VPS54: variants seen among roughly 807,000 people sequenced by gnomAD.
VPS54 encodes the protein vacuolar protein sorting-associated protein 54.
In VPS54, 45 loss-of-function variants were observed where a neutral mutation model predicts 121.5. That is an observed-to-expected ratio of 0.37 (90% CI 0.29 to 0.47). The LOEUF is 0.47. Among genes scored for constraint, VPS54 ranks in the 20% least tolerant of loss-of-function variants. VPS54 has a pLI of 0.99. For missense variants in VPS54, 1,090 were observed against 1,131.4 expected (o/e 0.96, Z 0.52); for synonymous variants, 371 against 385.8 (o/e 0.96, Z 0.45).
intron 1 of VPS54, among the ~76,000 whole-genome samples, chr2:64,004,395 C>T (rs1044194868): frequency 6.6e-6 from 1 of 152,128 alleles, no homozygotes; most frequent in Non-Finnish European, 1.5e-5. Context: ...TAAGTATTAC[C>T]TCACAGATTA....
intron 16 of VPS54, among the ~76,000 whole-genome samples, chr2:63,915,813 G>A (rs1673355492): frequency 6.6e-6 from 1 of 152,080 alleles, no homozygotes; most frequent in Non-Finnish European, 1.5e-5. Flanking sequence ...TACAGAAAAA[G>A]GATTAATTCT....
intron 20 of VPS54, 81 bp downstream of exon 20, chr2:63,912,264 C>T: frequency 8.3e-7 from 1 of 1,202,512 alleles, no homozygotes; most frequent in Admixed American, 2.7e-5. Flanking sequence ...CTTTTCACAT[C>T]TTAATTTATA....
chr2:64,011,181 T>C (rs555757676), intron 1 of VPS54, among the ~76,000 whole-genome samples: 1 of 152,346 alleles, frequency 6.6e-6, no homozygotes, highest in Non-Finnish European at 1.5e-5. Context: ...CCTCATAAAA[T>C]ATATACTTTT....
At chr2:64,017,262 G>A (rs1275962212) in intron 1 of VPS54, among the ~76,000 whole-genome samples, 3 of 151,318 alleles carry the variant, frequency 2.0e-5, no homozygotes, top group Admixed American at 1.3e-4. Flanking sequence ...ACTTGAAGCC[G>A]GTAGGCGGAG....
chr2:63,989,002 C>T (rs1472962324), intron 1 of VPS54, among the ~76,000 whole-genome samples: 2 of 152,042 alleles, frequency 1.3e-5, no homozygotes, highest in Non-Finnish European at 2.9e-5. Context: ...CATTCTCGGC[C>T]GGGAAGGGGG....
chr2:63,968,817 A>G, intron 5 of VPS54, 140 bp downstream of exon 5: 1 of 675,844 alleles, frequency 1.5e-6, no homozygotes, highest in Non-Finnish European at 2.6e-6. Context: ...AGAAAGAAGA[A>G]AAGTGATGCA....
Position 63,933,732 on chromosome 2 carries a change from A to T in VPS54, c.1680T>A (p.Asp560Glu), listed in dbSNP as rs761367382. 7.4e-6 allele frequency: 12 copies of T among 1,613,828 alleles called. No individual in the cohort carries two copies. The South Asian group carries it at 1.1e-4, about 15-fold the overall frequency. Reference protein sequence around the residue: ...DSVSEPECTTDSSSSKEHTSS... With the variant: ...DSVSEPECTTESSSSKEHTSS... ...ATGTGTGCTCTTTGCTGGATGAAGA[A>T]TCAGTAGTACATTCTGGCTCGGATA... is the stretch of plus-strand genomic sequence containing the variant. The change falls in exon 12 of 23, where the codon GAT (aspartate) becomes GAA (glutamate). Residue 560 changes from aspartate (D) to glutamate (E), a missense_variant. By Grantham distance (45) the Asp-to-Glu change is conservative. This residue lies in a region of VPS54 where 801 missense variants were observed against 757.0 expected (regional missense o/e 1.06). Coordinates refer to ENST00000272322, the MANE Select transcript of VPS54 (RefSeq NM_016516.3).
chr2:63,939,352 C>T (rs1575933738), intron 11 of VPS54, among the ~76,000 whole-genome samples: 1 of 151,526 alleles, frequency 6.6e-6, no homozygotes, highest in East Asian at 1.9e-4. Context: ...AGCCTGGCGA[C>T]AGAGTGAAAC....
intron 12 of VPS54, among the ~76,000 whole-genome samples, chr2:63,927,259 G>A (rs906892040): frequency 1.3e-5 from 2 of 152,164 alleles, no homozygotes; most frequent in African/African-American, 4.8e-5. Context: ...CCAGTAGGGG[G>A]CCGACAGACA....
intron 1 of VPS54, among the ~76,000 whole-genome samples, chr2:64,002,424 T>C (rs1677926415): frequency 6.6e-6 from 1 of 152,226 alleles, no homozygotes; most frequent in Non-Finnish European, 1.5e-5. Context: ...TCTTGCTCTG[T>C]ACCCCCAAAT....
chr2:63,993,610 GAATTT>G (rs1677434325), intron 1 of VPS54, among the ~76,000 whole-genome samples: 1 of 152,170 alleles, frequency 6.6e-6, no homozygotes, highest in African/African-American at 2.4e-5. Context: ...GATTTGATCC[GAATTT>G]AATTGTAGTT....
intron 11 of VPS54, among the ~76,000 whole-genome samples, chr2:63,940,299 AC>A (rs1481921101): frequency 6.6e-6 from 1 of 152,180 alleles, no homozygotes; most frequent in East Asian, 1.9e-4. Flanking sequence ...AGAATCACAA[AC>A]TTTTTTCACA....
intron 7 of VPS54, among the ~76,000 whole-genome samples, chr2:63,949,662 TGAG>T (rs71393343): frequency 0.27 from 40,962 of 151,878 alleles, 6,474 homozygotes; most frequent in Non-Finnish European, 0.34. Flanking sequence ...TTGAGTAGGC[TGAG>T]GAGGAGGAGG....
chr2:63,938,191 T>C (rs1173933872), intron 11 of VPS54, among the ~76,000 whole-genome samples: 1 of 151,928 alleles, frequency 6.6e-6, no homozygotes, highest in African/African-American at 2.4e-5. Context: ...GGTCTCAAAC[T>C]CTGGTCTCAA....
rs549342540 is a variant in VPS54 at position 63,897,004 on chromosome 2, A to G, written c.2828+492T>C. ...GTTTTCAGATTCTAAGTCCTACCCT[A>G]TGCTTTCTATGTACTATGCTATTTT... On this transcript the variant is annotated intron_variant, in intron 22 of 22. Coordinates refer to ENST00000272322, the MANE Select transcript of VPS54 (RefSeq NM_016516.3). Among the ~76,000 whole-genome samples, 6 of 152,288 alleles carry G rather than the reference A, an allele frequency of 3.9e-5. No individual in the cohort carries two copies. In the East Asian group the frequency reaches 1.2e-3, roughly 29 times the overall value.
rs967447220 is a variant in VPS54, at chr2:63,913,209, G to A, written c.2422+14C>T. ...TAACACTTCAGCAAGTGAATTAAAC[G>A]CAAGAATCCATACCCAAATTTTTTG... is the stretch of plus-strand genomic sequence containing the variant. On this transcript the variant is annotated intron_variant, in intron 18 of 22. Coordinates refer to ENST00000272322, the MANE Select transcript of VPS54 (RefSeq NM_016516.3). 7.5e-6 allele frequency: 12 copies of A among 1,602,242 alleles called. No homozygotes were observed. Among genetic ancestry groups the A allele is most frequent in the Admixed American group, 5.2e-5 (3 of 58,216 alleles).
chr2:63,926,395 T>C (rs1171331845), intron 12 of VPS54, among the ~76,000 whole-genome samples: 1 of 152,150 alleles, frequency 6.6e-6, no homozygotes, highest in Non-Finnish European at 1.5e-5. Flanking sequence ...AATATATAGC[T>C]CAGGGTTTGG....
At chr2:63,985,627 T>C (rs546644631) in intron 1 of VPS54, among the ~76,000 whole-genome samples, 127 of 152,082 alleles carry the variant, frequency 8.4e-4, no homozygotes, top group African/African-American at 3.0e-3. Context: ...GAACTGACTA[T>C]AGTGGAAACT....
intron 15 of VPS54, 131 bp downstream of exon 15, chr2:63,919,752 G>C: frequency 1.7e-6 from 1 of 573,534 alleles, no homozygotes; most frequent in East Asian, 3.3e-5. Context: ...TTCCTGTCAA[G>C]TATTTACTAA....
Sources: gnomAD v4.1 joint callset for allele counts (sites outside exome capture counted in the v4.1 genomes callset) on GRCh38, gnomAD v4.1.1 for gene constraint, gnomAD v4.1.1 regional missense constraint, MANE v1.5 for transcripts, NCBI Gene and HGNC (gene_info 2026-07-23, HGNC 2026-07-21) for gene names.